Variants in PRKG1 observed in about 807,000 individuals in gnomAD.
The protein encoded by PRKG1 is cGMP-dependent protein kinase 1.
PRKG1 carries 35 observed loss-of-function variants against 88.1 expected under a neutral mutation model. The observed-to-expected ratio is 0.40, with a 90% CI of 0.30 to 0.53. The LOEUF (loss-of-function observed/expected upper bound fraction) is 0.53, where lower values mean the gene tolerates loss of function less well. Among genes scored for constraint, PRKG1 ranks in the 20% least tolerant of loss-of-function variants. The pLI is 0.59. For synonymous variants in PRKG1, 303 were observed against 292.5 expected (o/e 1.04, Z -0.37); for missense variants, 540 against 839.8 (o/e 0.64, Z 4.41).
intron 4 of PRKG1, among the ~76,000 whole-genome samples, chr10:51,807,604 T>C (rs1463088137): frequency 6.6e-6 from 1 of 152,204 alleles, no homozygotes; most frequent in Non-Finnish European, 1.5e-5. Context: ...GAGAGTGCTC[T>C]AATGATAGTG....
chr10:51,767,564 G>A (rs1459687984), intron 3 of PRKG1, among the ~76,000 whole-genome samples: 1 of 152,084 alleles, frequency 6.6e-6, no homozygotes, highest in Non-Finnish European at 1.5e-5. Flanking sequence ...TGGGTTTCAG[G>A]ACAGACTGCT....
chr10:51,375,519 T>C (rs991591594), intron 2 of PRKG1, among the ~76,000 whole-genome samples: 4 of 152,130 alleles, frequency 2.6e-5, no homozygotes, highest in African/African-American at 4.8e-5. Flanking sequence ...CCAGTGAGCA[T>C]TTCCTTTTAG....
chr10:51,480,755 T>C (rs1020576534), intron 3 of PRKG1, among the ~76,000 whole-genome samples: 5 of 152,140 alleles, frequency 3.3e-5, no homozygotes, highest in African/African-American at 4.8e-5. Context: ...GGGTTATTGA[T>C]AATATGGGAA....
chr10:52,080,491 A>AT (rs1302787218), intron 7 of PRKG1, among the ~76,000 whole-genome samples: 1 of 151,876 alleles, frequency 6.6e-6, no homozygotes, highest in Non-Finnish European at 1.5e-5. Flanking sequence ...TTTTTCTCCT[A>AT]TTTTTCTTCT....
At chr10:51,159,401 G>T (rs145089193) in intron 2 of PRKG1, among the ~76,000 whole-genome samples, 1 of 152,144 alleles carries the variant, frequency 6.6e-6, no homozygotes, top group African/African-American at 2.4e-5. Context: ...TAATCCAAAA[G>T]CTATCTTTAG....
intron 3 of PRKG1, among the ~76,000 whole-genome samples, chr10:51,704,158 A>T (rs1307340998): frequency 1.3e-5 from 2 of 149,936 alleles, no homozygotes; most frequent in Admixed American, 6.6e-5. Flanking sequence ...AAAAAAAAAA[A>T]TTAAATAAAT....
At chr10:51,238,441 G>A (rs1839058224) in intron 2 of PRKG1, among the ~76,000 whole-genome samples, 1 of 152,096 alleles carries the variant, frequency 6.6e-6, no homozygotes, top group Non-Finnish European at 1.5e-5. Flanking sequence ...CAATTAGCTG[G>A]GCGTGGTGGC....
At chr10:51,207,957 G>A (rs1419335875) in intron 2 of PRKG1, among the ~76,000 whole-genome samples, 5 of 152,050 alleles carry the variant, frequency 3.3e-5, no homozygotes, top group Non-Finnish European at 5.9e-5. Context: ...GTTTTTAAAG[G>A]GACTATTTCT....
chr10:51,272,076 T>C (rs1236456642), intron 2 of PRKG1, among the ~76,000 whole-genome samples: 3 of 152,176 alleles, frequency 2.0e-5, no homozygotes, highest in Non-Finnish European at 4.4e-5. Flanking sequence ...TTCTCCAGTA[T>C]CTGTTGTTTC....
At position 51,179,858 on chromosome 10, in the gene PRKG1, GTTTC is replaced by G. The variant is rs1414850347; in HGVS notation, c.478+26532_478+26535del. 2.6e-5 allele frequency among the ~76,000 whole-genome samples: 4 copies of G among 152,250 alleles called. No homozygotes were observed. In the South Asian group the frequency reaches 6.2e-4, roughly 24 times the overall value. On this transcript the variant is annotated intron_variant, in intron 2 of 17. Transcript: ENST00000373980. ...GATTACTTAGCTCCCCCAAGAAGCT[GTTTC>G]TTTATCTGCAAAATGAAAATAATCA...
intron 2 of PRKG1, among the ~76,000 whole-genome samples, chr10:51,275,247 T>A (rs1169401923): frequency 6.6e-6 from 1 of 152,234 alleles, no homozygotes; most frequent in Non-Finnish European, 1.5e-5. Flanking sequence ...CTTTCCCAGC[T>A]CTTATGTGTT....
intron 2 of PRKG1, among the ~76,000 whole-genome samples, chr10:51,250,582 T>G (rs1839401691): frequency 6.6e-6 from 1 of 151,802 alleles, no homozygotes. Flanking sequence ...GAATTCACTT[T>G]TCCAAAAGCA....
intron 3 of PRKG1, among the ~76,000 whole-genome samples, chr10:51,744,109 T>C (rs1837517008): frequency 6.6e-6 from 1 of 152,142 alleles, no homozygotes; most frequent in Non-Finnish European, 1.5e-5. Context: ...ATAGTAATAC[T>C]ATTCATATAC....
intron 5 of PRKG1, among the ~76,000 whole-genome samples, chr10:51,918,310 T>A (rs1456083173): frequency 1.3e-5 from 2 of 151,740 alleles, no homozygotes; most frequent in African/African-American, 4.9e-5. Flanking sequence ...TTGTACTTCC[T>A]TCTGAAAATA....
chr10:52,122,902 G>A (rs1370794602), intron 7 of PRKG1, among the ~76,000 whole-genome samples: 3 of 152,148 alleles, frequency 2.0e-5, no homozygotes, highest in Non-Finnish European at 2.9e-5. Context: ...GGTTACTGTC[G>A]ATTCTCAGTT....
intron 5 of PRKG1, among the ~76,000 whole-genome samples, chr10:51,980,693 A>G (rs988841329): frequency 4.1e-4 from 63 of 152,216 alleles, no homozygotes; most frequent in Non-Finnish European, 1.3e-4. Context: ...TATTTAGGAT[A>G]GTTAGGTCTT....
At chr10:51,043,516 G>T (rs73322648) in intron 1 of PRKG1, among the ~76,000 whole-genome samples, 3,705 of 152,148 alleles carry the variant, frequency 0.024, 67 homozygotes, top group African/African-American at 0.035. Context: ...ATTTAATCCT[G>T]TAGTAGCAAT....
chr10:51,787,223 A>G (rs1306117119), intron 3 of PRKG1, among the ~76,000 whole-genome samples: 1 of 152,184 alleles, frequency 6.6e-6, no homozygotes, highest in Non-Finnish European at 1.5e-5. Flanking sequence ...AAGCCTTTTA[A>G]GTAAAGCCCT....
intron 4 of PRKG1, among the ~76,000 whole-genome samples, chr10:51,817,868 C>A (rs1006850657): frequency 6.6e-6 from 1 of 152,080 alleles, no homozygotes; most frequent in Non-Finnish European, 1.5e-5. Context: ...CTTTCCTTCT[C>A]TCATTCACAA....
Sources: gnomAD v4.1 joint callset for allele counts (sites outside exome capture counted in the v4.1 genomes callset) on GRCh38, gnomAD v4.1.1 for gene constraint, MANE v1.5 for transcripts, NCBI Gene and HGNC (gene_info 2026-07-23, HGNC 2026-07-21) for gene names.